FBLN1: variants seen among roughly 807,000 people sequenced by gnomAD.
FBLN1 encodes the protein fibulin 1.
FBLN1 carries 34 observed loss-of-function variants against 89.7 expected under a neutral mutation model. The ratio of observed to expected loss-of-function variants is 0.38; its 90% CI spans 0.29 to 0.50. The LOEUF is 0.50. FBLN1 is among the 20% of genes least tolerant of loss of function. The pLI, the probability that FBLN1 is intolerant of heterozygous loss-of-function variation, is 0.92. For missense variants in FBLN1, 777 were observed against 988.1 expected (o/e 0.79, Z 2.86); for synonymous variants, 393 against 391.3 (o/e 1.00, Z -0.05).
intron 11 of FBLN1, among the ~76,000 whole-genome samples, chr22:45,544,394 A>G (rs2088599526): frequency 6.6e-6 from 1 of 151,916 alleles, no homozygotes; most frequent in Non-Finnish European, 1.5e-5. Context: ...GCCTGCCTCT[A>G]ACTTCGTGTT....
Position 45,525,565 on chromosome 22 carries a change from C to T in FBLN1, c.208C>T (p.His70Tyr), listed in dbSNP as rs2088315384. Residue 70 changes from histidine (H) to tyrosine (Y), a missense_variant, in exon 3 of 17, where the codon CAC becomes TAC. Physicochemically the swap from His to Tyr is moderately conservative, Grantham distance 83 (BLOSUM62 2). Transcript: ENST00000327858. ...CAGGATGGTGCAGGAGCAGTGCTGC[C>T]ACAGCCAGCTGGAGGAGCTGCACTG... ...ECRMVQEQCC[H>Y]SQLEELHCAT... 1 of 1,549,682 alleles carries T rather than the reference C, an allele frequency of 6.5e-7. No individual in the cohort carries two copies. The highest frequency in any genetic ancestry group is 8.7e-7 in the Non-Finnish European group (1 of 1,146,838).
At position 45,530,794 on chromosome 22, in the gene FBLN1, G is replaced by A. The variant is rs1047598192; in HGVS notation, c.485-471G>A. ...TCTTTTTTTTTTGAAACGGAGTCTCGCTCTTGTTGCCCAGGCTGGAGTGCA... is the reference window on the plus strand; with the variant it reads ...TCTTTTTTTTTTGAAACGGAGTCTCACTCTTGTTGCCCAGGCTGGAGTGCA... On this transcript the variant is annotated intron_variant, in intron 4 of 16. Transcript: ENST00000327858. The surrounding 1 kb of genome is among the most constrained non-coding windows in gnomAD (Gnocchi z 5.4). Among the ~76,000 whole-genome samples, 7 of 151,738 alleles carry A rather than the reference G, an allele frequency of 4.6e-5. No individual in the cohort carries two copies. Among genetic ancestry groups the A allele is most frequent in the Non-Finnish European group, 8.8e-5 (6 of 67,960 alleles).
chr22:45,519,357 A>G (rs1177258270), intron 2 of FBLN1, among the ~76,000 whole-genome samples: 2 of 152,140 alleles, frequency 1.3e-5, no homozygotes, highest in Non-Finnish European at 2.9e-5. Context: ...GCGGTGGCTC[A>G]CGCCTGTAAT....
At chr22:45,582,364 C>T (rs3788656) in intron 16 of FBLN1, among the ~76,000 whole-genome samples, 54,411 of 152,144 alleles carry the variant, frequency 0.36, 11,613 homozygotes, top group Admixed American at 0.52. Flanking sequence ...GGGCCAGCCC[C>T]TGATGAGGAA....
chr22:45,566,567 T>C (rs186937667), intron 14 of FBLN1, among the ~76,000 whole-genome samples: 1 of 152,362 alleles, frequency 6.6e-6, no homozygotes. Context: ...CCTGGATACA[T>C]CGTCAGCCTT....
chr22:45,517,980 A>G (rs2088192000), intron 1 of FBLN1, among the ~76,000 whole-genome samples: 2 of 151,886 alleles, frequency 1.3e-5, no homozygotes, highest in South Asian at 4.2e-4. Flanking sequence ...AAAATACAAA[A>G]AAGTAGCCGG....
intron 14 of FBLN1, among the ~76,000 whole-genome samples, chr22:45,566,365 G>A (rs535670972): frequency 1.3e-5 from 2 of 152,282 alleles, no homozygotes; most frequent in South Asian, 4.1e-4. Flanking sequence ...TCCCATCGAC[G>A]TTTGCGTGTG....
At chr22:45,526,291 C>A (rs2088326752) in intron 3 of FBLN1, among the ~76,000 whole-genome samples, 1 of 152,168 alleles carries the variant, frequency 6.6e-6, no homozygotes, top group Non-Finnish European at 1.5e-5. Context: ...CTCCTAGGAC[C>A]CTACGTGCTA....
intron 9 of FBLN1, 78 bp from the exon 10 acceptor site, chr22:45,542,077 G>T (rs2088562627): frequency 6.2e-7 from 1 of 1,604,422 alleles, no homozygotes; most frequent in African/African-American, 1.3e-5. Context: ...TTCCTTTCTT[G>T]CTTTCCTTTC....
intron 16 of FBLN1, among the ~76,000 whole-genome samples, chr22:45,599,774 A>C (rs1403726419): frequency 6.6e-6 from 1 of 152,078 alleles, no homozygotes; most frequent in Non-Finnish European, 1.5e-5. Flanking sequence ...AAAATGAGCC[A>C]GGCATGGTGG....
intron 14 of FBLN1, among the ~76,000 whole-genome samples, chr22:45,560,819 C>T (rs1048289414): frequency 2.0e-5 from 3 of 152,070 alleles, no homozygotes; most frequent in African/African-American, 7.2e-5. Context: ...GGACTTTAGT[C>T]TAGTTATAGG....
intron 1 of FBLN1, among the ~76,000 whole-genome samples, chr22:45,505,524 A>G (rs890688047): frequency 3.9e-5 from 6 of 152,150 alleles, no homozygotes; most frequent in African/African-American, 1.2e-4. Flanking sequence ...TCAGGGCTGC[A>G]TTTGCCACCC....
intron 1 of FBLN1, among the ~76,000 whole-genome samples, chr22:45,510,716 C>T (rs2088087754): frequency 6.6e-6 from 1 of 152,140 alleles, no homozygotes; most frequent in African/African-American, 2.4e-5. Flanking sequence ...GTGGCCATAT[C>T]CTTCCTGGGT....
At chr22:45,569,225 T>G (rs1569260585) in intron 14 of FBLN1, among the ~76,000 whole-genome samples, 1 of 152,204 alleles carries the variant, frequency 6.6e-6, no homozygotes, top group East Asian at 1.9e-4. Flanking sequence ...TATGTTGAAT[T>G]CCTAATCCCT....
rs2088317629 is a variant in FBLN1, at chr22:45,525,695, A to G, written c.321+17A>G. 1 of 1,551,204 alleles carries G rather than the reference A, an allele frequency of 6.4e-7. No individual in the cohort carries two copies. The highest frequency in any genetic ancestry group is 1.4e-5 in the African/African-American group (1 of 73,178). On this transcript the variant is annotated intron_variant, in intron 3 of 16. Coordinates refer to ENST00000327858, the MANE Select transcript of FBLN1 (RefSeq NM_006486.3). The stretch of plus-strand genomic sequence containing the variant: ...TTTGTGAAGGTGAGAGCCAAAGACC[A>G]TGTGGGGTCGCTGCCCGTCCCCACT...
chr22:45,544,339 G>A (rs993646662), intron 11 of FBLN1, among the ~76,000 whole-genome samples: 1 of 152,076 alleles, frequency 6.6e-6, no homozygotes, highest in South Asian at 2.1e-4. Context: ...CGCCCACCTC[G>A]GCCTCCCAAA....
rs148743251 is a variant in FBLN1 at position 45,542,219 on chromosome 22, C to T, written c.1131C>T (p.Pro377=). ...CGKGHRCVNS[P]GSFRCECKTG... ...AGGGACATCGCTGCGTGAACTCTCC[C>T]GGCAGTTTCCGCTGCGAATGCAAGA... The change falls in exon 10 of 17, where the codon CCC becomes CCT. Residue 377 remains proline (P), a synonymous_variant. Transcript: ENST00000327858. The T allele has an allele frequency of 1.8e-5, 29 of 1,614,060 alleles. No individual in the cohort carries two copies. Among genetic ancestry groups the T allele is most frequent in the East Asian group, 8.9e-5 (4 of 44,902 alleles).
intron 10 of FBLN1, among the ~76,000 whole-genome samples, chr22:45,542,943 G>T (rs1467192189): frequency 6.6e-6 from 1 of 152,248 alleles, no homozygotes; most frequent in Non-Finnish European, 1.5e-5. Context: ...GCATGCTCGG[G>T]ACAAGTCACT....
intron 14 of FBLN1, among the ~76,000 whole-genome samples, chr22:45,553,785 G>A (rs2146999469): frequency 6.6e-6 from 1 of 152,244 alleles, no homozygotes; most frequent in South Asian, 2.1e-4. Context: ...GTCGCTGTGT[G>A]TGATGACGGC....
Sources: allele counts gnomAD v4.1 joint callset (sites outside exome capture counted in the v4.1 genomes callset), GRCh38; gene constraint gnomAD v4.1.1; non-coding constraint Gnocchi (gnomAD v3.1); transcripts MANE v1.5; gene names NCBI Gene and HGNC (gene_info 2026-07-23, HGNC 2026-07-21).